HIBADH: variants seen among roughly 807,000 people sequenced by gnomAD.
HIBADH encodes the protein 3-hydroxyisobutyrate dehydrogenase, also known as 3-hydroxyisobutyrate dehydrogenase, mitochondrial.
Under a neutral mutation model 36.1 loss-of-function variants are expected in HIBADH, and 25 were observed. The ratio of observed to expected loss-of-function variants is 0.69; its 90% CI spans 0.50 to 0.97. The LOEUF (loss-of-function observed/expected upper bound fraction) is 0.97, where lower values mean the gene tolerates loss of function less well. HIBADH is among the 50% of genes least tolerant of loss of function. HIBADH has a pLI of 0.00. For missense variants in HIBADH, 421 were observed against 418.0 expected, an observed-to-expected ratio of 1.01 and a Z score of -0.06; for synonymous variants, 160 against 149.5, an observed-to-expected ratio of 1.07 and a Z score of -0.51.
chr7:27,650,460 T>TTTTATTTATTTATTTA, intron 1 of HIBADH, among the ~76,000 whole-genome samples: 1 of 140,206 alleles, frequency 7.1e-6, no homozygotes, highest in Non-Finnish European at 1.5e-5. Flanking sequence ...CTTATTATAT[T>TTTTATTTATTTATTTA]TTTATTTATT....
At chr7:27,658,962 C>T (rs376379923) in intron 1 of HIBADH, among the ~76,000 whole-genome samples, 6 of 152,132 alleles carry the variant, frequency 3.9e-5, no homozygotes, top group African/African-American at 1.4e-4. Context: ...TTAGGGTCAA[C>T]TTTTAGGCCC....
chr7:27,547,199 T>A (rs1449277678), intron 4 of HIBADH, among the ~76,000 whole-genome samples: 1 of 152,172 alleles, frequency 6.6e-6, no homozygotes, highest in African/African-American at 2.4e-5. Flanking sequence ...TGAAGTATGT[T>A]CCCATCTCAA....
chr7:27,550,621 C>A (rs1784304806), intron 4 of HIBADH, among the ~76,000 whole-genome samples: 1 of 152,202 alleles, frequency 6.6e-6, no homozygotes, highest in Non-Finnish European at 1.5e-5. Context: ...CAAGACTCAA[C>A]TCATGACAAC....
intron 4 of HIBADH, among the ~76,000 whole-genome samples, chr7:27,627,529 A>T (rs1785670434): frequency 6.6e-6 from 1 of 152,214 alleles, no homozygotes; most frequent in Admixed American, 6.5e-5. Flanking sequence ...GTTATCATGC[A>T]ACAAGCAATC....
At chr7:27,645,382 T>TTTTTTTTTTTTTTTGTTTTTG (rs1562657294) in intron 2 of HIBADH, among the ~76,000 whole-genome samples, 1 of 129,080 alleles carries the variant, frequency 7.7e-6, no homozygotes, top group African/African-American at 3.1e-5. Flanking sequence ...TTTTTTTTTT[T>TTTTTTTTTTTTTTTGTTTTTG]TTTTTTTTTT....
At chr7:27,654,785 C>T (rs1786267546) in intron 1 of HIBADH, among the ~76,000 whole-genome samples, 1 of 151,774 alleles carries the variant, frequency 6.6e-6, no homozygotes, top group Non-Finnish European at 1.5e-5. Flanking sequence ...ACTTCCCAAG[C>T]TCAGATGATC....
intron 4 of HIBADH, among the ~76,000 whole-genome samples, chr7:27,562,749 C>T (rs1250673463): frequency 3.3e-5 from 5 of 152,316 alleles, no homozygotes; most frequent in Admixed American, 6.5e-5. Context: ...TGAGCCACCA[C>T]ACTCAGCCTT....
At chr7:27,554,543 C>T (rs1784364681) in intron 4 of HIBADH, among the ~76,000 whole-genome samples, 1 of 152,150 alleles carries the variant, frequency 6.6e-6, no homozygotes, top group African/African-American at 2.4e-5. Context: ...CCTCCCATCC[C>T]TATTCCCTGT....
intron 2 of HIBADH, among the ~76,000 whole-genome samples, chr7:27,644,819 C>T (rs79789398): frequency 0.034 from 5,188 of 151,614 alleles, 117 homozygotes; most frequent in South Asian, 0.093. Flanking sequence ...CCTCTATGCC[C>T]AACTTTCCCT....
intron 4 of HIBADH, among the ~76,000 whole-genome samples, chr7:27,570,056 G>C (rs537321906): frequency 2.0e-5 from 3 of 152,308 alleles, no homozygotes; most frequent in African/African-American, 4.8e-5. Flanking sequence ...GATTCATGCT[G>C]TCTTTGAATT....
intron 4 of HIBADH, among the ~76,000 whole-genome samples, chr7:27,596,504 A>G (rs1420988428): frequency 2.0e-5 from 3 of 152,210 alleles, no homozygotes; most frequent in African/African-American, 7.2e-5. Flanking sequence ...TTTAAAACAC[A>G]CATACTCTTT....
chr7:27,628,006 C>CCTACTCGGGAGGCTGAGGCAGGAG (rs1331144313), intron 4 of HIBADH, among the ~76,000 whole-genome samples: 1 of 152,106 alleles, frequency 6.6e-6, no homozygotes, highest in East Asian at 1.9e-4. Context: ...GAAAATCAAT[C>CCTACTCGGGAGGCTGAGGCAGGAG]AATGGCAAGA....
At chr7:27,540,133 C>T (rs1014804160) in intron 5 of HIBADH, among the ~76,000 whole-genome samples, 1 of 152,058 alleles carries the variant, frequency 6.6e-6, no homozygotes, top group Non-Finnish European at 1.5e-5. Flanking sequence ...TCTCTAAAAA[C>T]GTTTTTGTAT....
intron 4 of HIBADH, among the ~76,000 whole-genome samples, chr7:27,587,632 C>CT (rs1385339284): frequency 1.3e-5 from 2 of 152,204 alleles, no homozygotes; most frequent in African/African-American, 4.8e-5. Flanking sequence ...AACACATGCA[C>CT]TTCCTCTCCC....
At chr7:27,657,900 G>T (rs1033869615) in intron 1 of HIBADH, among the ~76,000 whole-genome samples, 15 of 152,132 alleles carry the variant, frequency 9.9e-5, no homozygotes, top group Non-Finnish European at 1.9e-4. Context: ...TACTTGAGAT[G>T]ATGCATATAA....
At position 27,662,747 on chromosome 7, in the gene HIBADH, G is replaced by C. The variant is rs1188851814; in HGVS notation, c.42C>G (p.Leu14=). Residue 14 remains leucine (L), a synonymous_variant, in exon 1 of 8, where the codon CTC becomes CTG. Coordinates refer to ENST00000265395, the MANE Select transcript of HIBADH (RefSeq NM_152740.4). ...GCCGCAGCCGCCGGCTCCAGTACCG[G>C]AGACCGGAGGCAGCTCCGAGGAGCC... is the stretch of plus-strand genomic sequence containing the variant. ...SLRLLGAASG[L]RYWSRRLRPA... is the part of the protein sequence containing the mutation. 7.0e-7 allele frequency: 1 copy of C among 1,432,020 alleles called. No homozygotes were observed. The highest frequency in any genetic ancestry group is 9.2e-7 in the Non-Finnish European group (1 of 1,089,524). 88.7% of individuals were successfully genotyped at this position (1,432,020 alleles called of 1,614,324 possible). A position where few individuals can be genotyped will look rare whatever the true frequency, so the allele number is the denominator to read the frequency against.
Position 27,662,736 on chromosome 7 carries a change from C to T in HIBADH, c.53G>A (p.Ser18Asn). ...LGAASGLRYW[S>N]RRLRPAAGSF... ...GCCGGCTGCCGGCCGCAGCCGCCGG[C>T]TCCAGTACCGGAGACCGGAGGCAGC... is the stretch of plus-strand genomic sequence containing the variant. Residue 18 changes from serine (S) to asparagine (N), a missense_variant, in exon 1 of 8, where the codon AGC (serine) becomes AAC (asparagine). By Grantham distance (46) the Ser-to-Asn change is conservative. Coordinates refer to ENST00000265395, the MANE Select transcript of HIBADH (RefSeq NM_152740.4). The T allele has an allele frequency of 7.1e-7, 1 of 1,414,296 alleles. No individual in the cohort carries two copies. The highest frequency in any genetic ancestry group is 9.3e-7 in the Non-Finnish European group (1 of 1,079,724). 87.6% of individuals were successfully genotyped at this position (1,414,296 alleles called of 1,614,324 possible).
intron 4 of HIBADH, among the ~76,000 whole-genome samples, chr7:27,596,956 ATTTG>A (rs900712867): frequency 4.6e-5 from 7 of 152,280 alleles, no homozygotes; most frequent in African/African-American, 9.6e-5. Context: ...AAAAAATCCC[ATTTG>A]TTTTTTAAAA....
intron 4 of HIBADH, among the ~76,000 whole-genome samples, chr7:27,557,089 A>G (rs994941191): frequency 6.6e-6 from 1 of 151,574 alleles, no homozygotes; most frequent in Non-Finnish European, 1.5e-5. Context: ...ATAGCGAGGC[A>G]TGTTCACACC....
Sources: gnomAD v4.1 joint callset for allele counts (sites outside exome capture counted in the v4.1 genomes callset) on GRCh38, gnomAD v4.1.1 for gene constraint, MANE v1.5 for transcripts, NCBI Gene and HGNC (gene_info 2026-07-23, HGNC 2026-07-21) for gene names.